Variants in SMG6 observed in about 807,000 individuals in gnomAD.
SMG6 encodes SMG6 nonsense mediated mRNA decay factor, also known as telomerase-binding protein EST1A.
A neutral mutation model predicts 142.2 loss-of-function variants in SMG6; 66 were observed. The observed-to-expected ratio is 0.46, with a 90% CI of 0.38 to 0.57. The LOEUF (loss-of-function observed/expected upper bound fraction) is 0.57. Among genes scored for constraint, SMG6 ranks in the 20% least tolerant of loss-of-function variants. The pLI, the probability that SMG6 is intolerant of heterozygous loss-of-function variation, is 0.00. For missense variants in SMG6, 1,793 were observed against 1,832.0 expected (o/e 0.98, Z 0.39); for synonymous variants, 779 against 702.4 (o/e 1.11, Z -1.72).
At chr17:2,128,123 G>A (rs993226433) in intron 13 of SMG6, among the ~76,000 whole-genome samples, 4 of 152,176 alleles carry the variant, frequency 2.6e-5, no homozygotes, top group African/African-American at 4.8e-5. Flanking sequence ...GGTGAAGGGC[G>A]CTGGCAGCAG....
Position 2,059,929 on chromosome 17 carries a change from A to AC in SMG6, c.*1562dup, listed in dbSNP as rs569163385. 3.9e-5 allele frequency: 6 copies of AC among 153,474 alleles called. No homozygotes were observed. The highest frequency in any genetic ancestry group is 5.9e-5 in the Non-Finnish European group (4 of 68,070). The allele number at this position is 153,474 out of a possible 1,614,324, so 9.5% of individuals were successfully genotyped here. A position where few individuals can be genotyped will look rare whatever the true frequency, so the allele number is the denominator to read the frequency against. On this transcript the variant is annotated 3_prime_UTR_variant, in exon 19 of 19. Coordinates refer to ENST00000263073, the MANE Select transcript of SMG6 (RefSeq NM_017575.5). ...GGAGAGCTGGGTCTCCCTCCCGACC[A>AC]CCCAGTCATCGGCCTTCCAGCTGGG... is the stretch of plus-strand genomic sequence containing the variant.
chr17:2,256,208 A>AAAAAGG (rs1567723012), intron 8 of SMG6: 2 of 147,640 alleles, frequency 1.4e-5, no homozygotes, highest in African/African-American at 4.9e-5. Flanking sequence ...AAATAAGAAG[A>AAAAAGG]AAAAAAAAAA....
At chr17:2,081,153 C>T (rs919949343) in intron 15 of SMG6, among the ~76,000 whole-genome samples, 3 of 152,068 alleles carry the variant, frequency 2.0e-5, no homozygotes, top group Non-Finnish European at 4.4e-5. Flanking sequence ...CACCTTTAAA[C>T]GGGGAGCAGG....
intron 16 of SMG6, among the ~76,000 whole-genome samples, chr17:2,066,326 G>C (rs1039520894): frequency 1.3e-5 from 2 of 151,938 alleles, no homozygotes; most frequent in East Asian, 3.8e-4. Flanking sequence ...GTGTGTACAT[G>C]TGTGTATGTG....
intron 13 of SMG6, among the ~76,000 whole-genome samples, chr17:2,151,913 C>T (rs767491090): frequency 9.2e-5 from 14 of 152,068 alleles, no homozygotes; most frequent in Non-Finnish European, 1.5e-4. Context: ...TAGGCTCTGC[C>T]GATGGTTGTT....
chr17:2,061,349 G>A lies in SMG6; in HGVS notation c.*143C>T, dbSNP rs1597309203. 1 of 807,370 alleles carries A rather than the reference G, an allele frequency of 1.2e-6. No individual in the cohort carries two copies. Among genetic ancestry groups the A allele is most frequent in the East Asian group, 2.8e-5 (1 of 35,686 alleles). The allele number at this position is 807,370 out of a possible 1,614,324, so 50.0% of individuals were successfully genotyped here. ...GTGAGGAGCAGGTCCCCCACAGCAT[G>A]GCCGTGGCGTGGGTTGGAAGAGGAT... On this transcript the variant is annotated 3_prime_UTR_variant, in exon 19 of 19. Coordinates refer to ENST00000263073, the MANE Select transcript of SMG6 (RefSeq NM_017575.5).
chr17:2,132,875 C>G (rs2070169162), intron 13 of SMG6, among the ~76,000 whole-genome samples: 1 of 152,168 alleles, frequency 6.6e-6, no homozygotes, highest in African/African-American at 2.4e-5. Context: ...CTCGACCTCC[C>G]AGGCTCAAGC....
In SMG6 at chr17:2,299,143, C is replaced by T. The variant is rs769291662; in HGVS notation, c.1610G>A (p.Gly537Asp). ...PLQYPVGPTN[G>D]VYPGPYYPGY... is the part of the protein sequence containing the mutation. ...TGGGTAGTAAGGCCCTGGGTACACA[C>T]CATTCGTAGGGCCCACTGGGTACTG... is the stretch of plus-strand genomic sequence containing the variant. The change falls in exon 2 of 19, where the codon GGT becomes GAT. Residue 537 changes from glycine to aspartate, a missense_variant. Physicochemically the swap from Gly to Asp is moderately conservative, Grantham distance 94. This residue lies in a region of SMG6 where 1,597 missense variants were observed against 1,584.6 expected (regional missense o/e 1.01). Coordinates refer to ENST00000263073, the MANE Select transcript of SMG6 (RefSeq NM_017575.5). This position sits in a 1 kb window ranked among gnomAD's most constrained non-coding sequence, Gnocchi z 4.3. 1.9e-6 allele frequency: 3 copies of T among 1,613,210 alleles called. No individual in the cohort carries two copies. The highest frequency in any genetic ancestry group is 2.5e-6 in the Non-Finnish European group (3 of 1,179,396).
At chr17:2,169,506 A>C (rs1415202375) in intron 13 of SMG6, among the ~76,000 whole-genome samples, 8 of 152,144 alleles carry the variant, frequency 5.3e-5, no homozygotes, top group Non-Finnish European at 1.2e-4. Context: ...TGGCCAGGGA[A>C]GCTCTCTTTA....
intron 9 of SMG6, among the ~76,000 whole-genome samples, chr17:2,238,629 A>C (rs2073727535): frequency 6.6e-6 from 1 of 152,198 alleles, no homozygotes; most frequent in Non-Finnish European, 1.5e-5. Flanking sequence ...CCGTGTTGAA[A>C]GGCAGTAGAG....
At chr17:2,147,929 AC>A in intron 13 of SMG6, among the ~76,000 whole-genome samples, 1 of 152,236 alleles carries the variant, frequency 6.6e-6, no homozygotes. Flanking sequence ...ACGGTGCCTC[AC>A]GCCTTAAATC....
At chr17:2,082,049 C>T (rs2068439928) in intron 14 of SMG6, 93 bp from the exon 15 acceptor site, 1 of 1,353,688 alleles carries the variant, frequency 7.4e-7, no homozygotes, top group African/African-American at 1.4e-5. Flanking sequence ...TGGCCCCTCA[C>T]CCACGCAGAC....
At chr17:2,148,589 T>G (rs1231920116) in intron 13 of SMG6, among the ~76,000 whole-genome samples, 2 of 152,220 alleles carry the variant, frequency 1.3e-5, no homozygotes, top group Non-Finnish European at 2.9e-5. Flanking sequence ...CTGGGCACCA[T>G]GGCTCATACT....
intron 10 of SMG6, chr17:2,233,336 G>A (rs1315205799): frequency 6.6e-6 from 1 of 152,340 alleles, no homozygotes; most frequent in African/African-American, 2.4e-5. Flanking sequence ...TGTCCAAGAA[G>A]GAATGGAAAG....
intron 18 of SMG6, chr17:2,062,393 T>G (rs550348795): frequency 6.6e-6 from 1 of 152,340 alleles, no homozygotes; most frequent in South Asian, 2.1e-4. Context: ...CTTGGACATA[T>G]AACCTTTTTT....
intron 12 of SMG6, among the ~76,000 whole-genome samples, chr17:2,184,839 C>T (rs2071926426): frequency 1.3e-5 from 2 of 150,628 alleles, no homozygotes; most frequent in African/African-American, 4.9e-5. Flanking sequence ...GTGGCAGGTG[C>T]CTGTAATCCC....
intron 6 of SMG6, among the ~76,000 whole-genome samples, chr17:2,289,936 T>TTATA (rs1169983925): frequency 2.4e-5 from 2 of 81,790 alleles, no homozygotes; most frequent in African/African-American, 1.4e-4. Flanking sequence ...AATTATTATT[T>TTATA]TATACATATA....
chr17:2,085,224 CAA>C lies in SMG6; in HGVS notation c.3534+499_3534+500del, dbSNP rs1460729727. Among the ~76,000 whole-genome samples the C allele has an allele frequency of 6.9e-5, 10 of 145,786 alleles. No homozygotes were observed. The highest frequency in any genetic ancestry group is 2.1e-4 in the South Asian group (1 of 4,678). ...ACAGGAACAACCAAGGGCAAACAAA[CAA>C]GAGGAGAATTCCTTAATCACATCAG... is the stretch of plus-strand genomic sequence containing the variant. On this transcript the variant is annotated intron_variant, in intron 14 of 18. Transcript: ENST00000263073. This position sits in a 1 kb window ranked among gnomAD's most constrained non-coding sequence, Gnocchi z 4.1.
At chr17:2,288,681 C>A (rs1456307058) in intron 6 of SMG6, among the ~76,000 whole-genome samples, 3 of 150,700 alleles carry the variant, frequency 2.0e-5, no homozygotes, top group African/African-American at 4.9e-5. Flanking sequence ...TGTATCCTAG[C>A]ACTTTGAGAG....
Sources: allele counts gnomAD v4.1 joint callset (sites outside exome capture counted in the v4.1 genomes callset), GRCh38; gene constraint gnomAD v4.1.1; regional missense constraint gnomAD v4.1.1; non-coding constraint Gnocchi (gnomAD v3.1); transcripts MANE v1.5; gene names NCBI Gene and HGNC (gene_info 2026-07-23, HGNC 2026-07-21).